The following CDC42BPA variants were observed in gnomAD, a reference collection of about 807,000 sequenced individuals.
CDC42BPA encodes CDC42 binding protein kinase alpha.
CDC42BPA carries 80 observed loss-of-function variants against 223.5 expected under a neutral mutation model. The ratio of observed to expected loss-of-function variants is 0.36; its 90% confidence interval spans 0.30 to 0.43. The LOEUF (loss-of-function observed/expected upper bound fraction) is 0.43, where lower values mean the gene tolerates loss of function less well. Among genes scored for constraint, CDC42BPA ranks in the 20% least tolerant of loss-of-function variants. CDC42BPA has a pLI of 1.00. For synonymous variants in CDC42BPA, 694 were observed against 718.6 expected, an observed-to-expected ratio of 0.97 and a Z score of 0.55; for missense variants, 1,743 against 2,099.9, an observed-to-expected ratio of 0.83 and a Z score of 3.32.
At chr1:227,316,830 C>T (rs4653821) in intron 1 of CDC42BPA, among the ~76,000 whole-genome samples, 175 bp downstream of exon 1, 46,751 of 152,060 alleles carry the variant, frequency 0.31, 7,371 homozygotes, top group East Asian at 0.37. Flanking sequence ...CAGCACAATT[C>T]TACTCCTGGG....
intron 10 of CDC42BPA, among the ~76,000 whole-genome samples, chr1:227,132,279 C>T (rs3122331): frequency 0.13 from 19,601 of 152,072 alleles, 1,339 homozygotes; most frequent in East Asian, 0.26. Flanking sequence ...GCCTCAGGCG[C>T]GCCGCCACAC....
At chr1:227,018,054 AT>A (rs1666653577) in intron 32 of CDC42BPA, among the ~76,000 whole-genome samples, 1 of 149,252 alleles carries the variant, frequency 6.7e-6, no homozygotes, top group African/African-American at 2.5e-5. Context: ...TATTATTATT[AT>A]TATTTATTTG....
chr1:227,043,411 CAAAA>C (rs66612393), intron 23 of CDC42BPA, among the ~76,000 whole-genome samples: 1 of 120,998 alleles, frequency 8.3e-6, no homozygotes, highest in Non-Finnish European at 1.8e-5. Flanking sequence ...GACTTCGTCT[CAAAA>C]AAAAAAAAAA....
chr1:227,267,539 A>G (rs1685206680), intron 1 of CDC42BPA, among the ~76,000 whole-genome samples: 1 of 152,228 alleles, frequency 6.6e-6, no homozygotes, highest in Non-Finnish European at 1.5e-5. Context: ...TATACCCATC[A>G]GACAGGCGAT....
chr1:227,082,714 CAAAAAAAAAAA>C (rs71574595), intron 16 of CDC42BPA, among the ~76,000 whole-genome samples: 4 of 59,512 alleles, frequency 6.7e-5, no homozygotes, highest in East Asian at 3.8e-4. Context: ...GACTCTGTCT[CAAAAAAAAAAA>C]AAAAAAAAAA....
In CDC42BPA at chr1:226,991,227, A is replaced by G. The variant is rs1350865951; in HGVS notation, c.*3041T>C. On this transcript the variant is annotated 3_prime_UTR_variant, in exon 37 of 37. Coordinates refer to ENST00000366766, the MANE Select transcript of CDC42BPA (RefSeq NM_001394014.1). The stretch of plus-strand genomic sequence containing the variant: ...CTATCCCAGAAATGCCTCTGAATGT[A>G]TTTTTTCTATTGAGAAACAGGTTTC... The G allele has an allele frequency of 6.6e-6, 1 of 152,578 alleles. No individual in the cohort carries two copies. The highest frequency in any genetic ancestry group is 2.4e-5 in the African/African-American group (1 of 41,422). 9.5% of individuals were successfully genotyped at this position (152,578 alleles called of 1,614,324 possible). A position where few individuals can be genotyped will look rare whatever the true frequency, so the allele number is the denominator to read the frequency against.
At chr1:227,295,579 ATAAAT>A (rs1159564955) in intron 1 of CDC42BPA, among the ~76,000 whole-genome samples, 1 of 152,268 alleles carries the variant, frequency 6.6e-6, no homozygotes. Context: ...GGAAAAGTGT[ATAAAT>A]TAAGTTTAGC....
At chr1:227,251,039 C>A (rs1471531352) in intron 2 of CDC42BPA, among the ~76,000 whole-genome samples, 2 of 151,900 alleles carry the variant, frequency 1.3e-5, no homozygotes, top group East Asian at 3.9e-4. Flanking sequence ...AGAGACAAAG[C>A]AAAACTTTGT....
chr1:227,202,361 T>G (rs1671934042), intron 3 of CDC42BPA, among the ~76,000 whole-genome samples: 1 of 152,030 alleles, frequency 6.6e-6, no homozygotes, highest in Admixed American at 6.6e-5. Context: ...TTAACCAACC[T>G]GAGGTTATGG....
chr1:227,121,262 C>A (rs1464079), intron 11 of CDC42BPA, among the ~76,000 whole-genome samples: 30,429 of 152,108 alleles, frequency 0.2, 3,142 homozygotes, highest in Admixed American at 0.25. Flanking sequence ...TTCATTTGTA[C>A]ATTAATGTGT....
chr1:227,138,549 CA>C (rs1659086020), intron 10 of CDC42BPA, among the ~76,000 whole-genome samples: 1 of 108,906 alleles, frequency 9.2e-6, no homozygotes, highest in Admixed American at 9.4e-5. Flanking sequence ...AGAGCGTTAT[CA>C]GAAGGAATAA....
intron 10 of CDC42BPA, 94 bp downstream of exon 10, chr1:227,139,482 T>C: frequency 8.8e-6 from 7 of 791,078 alleles, no homozygotes; most frequent in Non-Finnish European, 1.3e-5. Context: ...CTTAAAATAA[T>C]TTTTTTCAAA....
intron 2 of CDC42BPA, among the ~76,000 whole-genome samples, chr1:227,225,207 A>G (rs1030596473): frequency 6.6e-6 from 1 of 152,206 alleles, no homozygotes; most frequent in Non-Finnish European, 1.5e-5. Flanking sequence ...AATAGAAATA[A>G]AATTGGAAAA....
intron 31 of CDC42BPA, among the ~76,000 whole-genome samples, chr1:227,025,278 G>A (rs1668054386): frequency 6.6e-6 from 1 of 152,030 alleles, no homozygotes; most frequent in Admixed American, 6.6e-5. Context: ...CCACAGAAAA[G>A]TAATAATGAC....
intron 2 of CDC42BPA, among the ~76,000 whole-genome samples, chr1:227,228,241 A>G (rs1417206906): frequency 6.6e-6 from 1 of 152,240 alleles, no homozygotes; most frequent in Admixed American, 6.5e-5. Context: ...TACCTATGTA[A>G]CAAACCTACA....
chr1:227,246,106 C>T (rs1297339774), intron 2 of CDC42BPA, among the ~76,000 whole-genome samples: 1 of 152,154 alleles, frequency 6.6e-6, no homozygotes, highest in Admixed American at 6.5e-5. Context: ...TGGCAGCACT[C>T]ACCACAAGCT....
Position 227,051,925 on chromosome 1 carries a change from G to A in CDC42BPA, c.2965C>T (p.Arg989Trp), listed in dbSNP as rs112760723. ...CTAGATGTGGAAGGAGATGTGGACC[G>A]TGACTGGATGTGAAACTTGACGCTC... ...NPSVKFHIQS[R>W]STSPSTSSEA... Residue 989 changes from arginine to tryptophan, a missense_variant, in exon 22 of 37, where the codon CGG becomes TGG. Arg to Trp is a moderately radical substitution (Grantham distance 101). Around this residue, in one of 6 missense-constraint regions of CDC42BPA, gnomAD observed 678 missense variants for 777.5 expected, o/e 0.87. Transcript: ENST00000366766. 6.5e-4 allele frequency: 886 copies of A among 1,366,472 alleles called. 2 individuals are homozygous for A. In the African/African-American group the frequency reaches 0.01, roughly 16 times the overall value. 84.6% of individuals were successfully genotyped at this position (1,366,472 alleles called of 1,614,324 possible). A position where few individuals can be genotyped will look rare whatever the true frequency, so the allele number is the denominator to read the frequency against.
At chr1:227,002,521 A>G (rs1347364536) in intron 35 of CDC42BPA, among the ~76,000 whole-genome samples, 2 of 152,222 alleles carry the variant, frequency 1.3e-5, no homozygotes, top group Non-Finnish European at 2.9e-5. Context: ...CGTCCCTTCT[A>G]GTATTCACTC....
At chr1:227,027,418 ACTC>A (rs1307623068) in intron 30 of CDC42BPA, among the ~76,000 whole-genome samples, 1 of 151,456 alleles carries the variant, frequency 6.6e-6, no homozygotes, top group African/African-American at 2.4e-5. Context: ...AAGAGGTTTT[ACTC>A]CTCCTGCCCC....
Sources: gnomAD v4.1 joint callset for allele counts (sites outside exome capture counted in the v4.1 genomes callset) on GRCh38, gnomAD v4.1.1 for gene constraint, gnomAD v4.1.1 regional missense constraint, MANE v1.5 for transcripts, NCBI Gene and HGNC (gene_info 2026-07-23, HGNC 2026-07-21) for gene names.